Variants in MOSPD2 observed in about 807,000 individuals in gnomAD.
MOSPD2 encodes the protein motile sperm domain-containing protein 2.
Under a neutral mutation model 41.7 loss-of-function variants are expected in MOSPD2, and 5 were observed. The observed-to-expected ratio is 0.12, with a 90% confidence interval of 0.06 to 0.25. The LOEUF is 0.25. Ranked by LOEUF, MOSPD2 falls within the 10% of genes least tolerant of loss-of-function variation. MOSPD2 has a pLI of 1.00. For synonymous variants in MOSPD2, 115 were observed against 126.9 expected, an observed-to-expected ratio of 0.91 and a Z score of 0.63; for missense variants, 282 against 375.2, an observed-to-expected ratio of 0.75 and a Z score of 2.05.
Position 14,920,429 on chromosome X carries a change from C to A in MOSPD2, c.*620C>A. ...TTTCTCAGTGTTCCTTAACAGCCTG[C>A]CTTTTATTAATCTCAGGCTTTTTTA... On this transcript the variant is annotated 3_prime_UTR_variant, in exon 15 of 15. Coordinates refer to ENST00000380492, the MANE Select transcript of MOSPD2 (RefSeq NM_152581.4). The A allele has an allele frequency of 1.3e-6, 1 of 754,367 alleles. No homozygotes were observed. 62.2% of individuals were successfully genotyped at this position (754,367 alleles called of 1,213,427 possible).
intron 4 of MOSPD2, among the ~76,000 whole-genome samples, chrX:14,896,320 C>G (rs922532909): frequency 1.8e-5 from 2 of 111,307 alleles, no homozygotes; most frequent in African/African-American, 6.6e-5. Flanking sequence ...TGCCTGTCCA[C>G]TTGCTCACTT....
At chrX:14,918,329 ATGG>A (rs1038910989) in intron 13 of MOSPD2, among the ~76,000 whole-genome samples, 9 of 111,759 alleles carry the variant, frequency 8.1e-5, no homozygotes, top group African/African-American at 2.9e-4. Flanking sequence ...GGGAGGCTTG[ATGG>A]TGGGGTACTG....
Position 14,921,020 on chromosome X carries a change from C to T in MOSPD2, c.*1211C>T. On this transcript the variant is annotated 3_prime_UTR_variant, in exon 15 of 15. Transcript: ENST00000380492. ...ATTCTGCCTTTGATATGGTAGTACCCACCCGGTATTCCTAAAATCCTAAAA... is the reference window on the plus strand; with the variant it reads ...ATTCTGCCTTTGATATGGTAGTACCTACCCGGTATTCCTAAAATCCTAAAA... 1.3e-6 allele frequency: 1 copy of T among 761,950 alleles called. No homozygotes were observed. Among genetic ancestry groups the T allele is most frequent in the Non-Finnish European group, 1.6e-6 (1 of 644,457 alleles). 62.8% of individuals were successfully genotyped at this position (761,950 alleles called of 1,213,427 possible).
At chrX:14,891,643 C>T (rs1294405174) in intron 2 of MOSPD2, among the ~76,000 whole-genome samples, 2 of 108,256 alleles carry the variant, frequency 1.8e-5, no homozygotes, top group Admixed American at 2.0e-4. Flanking sequence ...TCTCAGCTCA[C>T]TGCAACCTCC....
intron 2 of MOSPD2, among the ~76,000 whole-genome samples, chrX:14,882,949 C>A (rs2092534389): frequency 9.0e-6 from 1 of 111,314 alleles, no homozygotes; most frequent in African/African-American, 3.3e-5. Context: ...GGAATCCCAG[C>A]ACTTTGGGAG....
At chrX:14,903,841 C>A (rs1375663983) in intron 7 of MOSPD2, among the ~76,000 whole-genome samples, 1 of 111,156 alleles carries the variant, frequency 9.0e-6, no homozygotes, top group Non-Finnish European at 1.9e-5. Flanking sequence ...TTACTATTGA[C>A]CTTAAAGAAA....
intron 2 of MOSPD2, among the ~76,000 whole-genome samples, chrX:14,888,595 G>C (rs985992064): frequency 9.0e-6 from 1 of 111,184 alleles, no homozygotes; most frequent in Admixed American, 9.6e-5. Flanking sequence ...TCCAGTCTCA[G>C]GTATGTCTTT....
At chrX:14,879,861 G>T in intron 2 of MOSPD2, among the ~76,000 whole-genome samples, 1 of 110,896 alleles carries the variant, frequency 9.0e-6, no homozygotes, top group Admixed American at 9.5e-5. Flanking sequence ...TGATGGGCAT[G>T]TTGGGAGATC....
At chrX:14,915,605 C>T in intron 11 of MOSPD2, 63 bp from the exon 12 acceptor site, 1 of 773,179 alleles carries the variant, frequency 1.3e-6, no homozygotes. Context: ...TAAAGTCATT[C>T]TTAAGCCATT....
At chrX:14,894,464 C>T (rs965412990) in intron 3 of MOSPD2, among the ~76,000 whole-genome samples, 1 of 109,326 alleles carries the variant, frequency 9.1e-6, no homozygotes, top group Non-Finnish European at 1.9e-5. Flanking sequence ...CTACAGGCGC[C>T]CACCACCAAG....
chrX:14,906,667 C>T (rs1391012562), intron 7 of MOSPD2, among the ~76,000 whole-genome samples: 1 of 112,045 alleles, frequency 8.9e-6, no homozygotes, highest in Non-Finnish European at 1.9e-5. Context: ...AAATCATTTA[C>T]AAACCATACA....
At position 14,911,267 on chromosome X, in the gene MOSPD2, G is replaced by T. The variant is rs370959017; in HGVS notation, c.733G>T (p.Val245Leu). 8.3e-6 allele frequency: 10 copies of T among 1,202,784 alleles called. No homozygotes were observed. Among genetic ancestry groups the T allele is most frequent in the Non-Finnish European group, 1.1e-5 (10 of 892,135 alleles). The change falls in exon 9 of 15, where the codon GTA (valine) becomes TTA (leucine). Residue 245 changes from valine to leucine, a missense_variant. By Grantham distance (32) the Val-to-Leu change is conservative. Transcript: ENST00000380492. ...TTTCAAGTATAGCTATCCACCACTAGTAGATGATGACTTCCAGACCCCACT... is the reference window on the plus strand; with the variant it reads ...TTTCAAGTATAGCTATCCACCACTATTAGATGATGACTTCCAGACCCCACT... ...DPFKYSYPPLVDDDFQTPLCE... is the reference protein window; with the variant it reads ...DPFKYSYPPLLDDDFQTPLCE...
At chrX:14,902,703 T>G (rs2092575156) in intron 6 of MOSPD2, among the ~76,000 whole-genome samples, 1 of 112,148 alleles carries the variant, frequency 8.9e-6, no homozygotes, top group Admixed American at 9.5e-5. Flanking sequence ...AATAGGCTGT[T>G]TACCAGAGGA....
At chrX:14,896,705 A>T (rs970167275) in intron 4 of MOSPD2, among the ~76,000 whole-genome samples, 2 of 112,611 alleles carry the variant, frequency 1.8e-5, no homozygotes, top group Admixed American at 1.9e-4. Context: ...TCATGCCTCC[A>T]TCGCCCTGTG....
intron 2 of MOSPD2, among the ~76,000 whole-genome samples, chrX:14,892,321 A>G (rs1413576355): frequency 6.2e-5 from 7 of 112,116 alleles, no homozygotes; most frequent in African/African-American, 3.2e-5. Flanking sequence ...CAGGCATCAC[A>G]TGGTGAGAGA....
rs140953263 is a variant in MOSPD2 at position 14,917,471 on chromosome X, T to G, written c.1316+1145T>G. ...ACTTCTGAGCGAGAGGAAAAACTAT[T>G]AGTTGGCACTAAGCAGAGCCATGAG... On this transcript the variant is annotated intron_variant, in intron 13 of 14. Transcript: ENST00000380492. 9.0e-3 allele frequency among the ~76,000 whole-genome samples: 1,004 copies of G among 111,575 alleles called. 17 individuals carry two copies. The highest frequency in any genetic ancestry group is 0.031 in the African/African-American group (949 of 30,670).
chrX:14,878,034 A>T (rs1302075964), intron 2 of MOSPD2, among the ~76,000 whole-genome samples: 1 of 111,196 alleles, frequency 9.0e-6, no homozygotes, highest in Non-Finnish European at 1.9e-5. Context: ...ATTTTTATTG[A>T]CATGATTTTA....
intron 2 of MOSPD2, among the ~76,000 whole-genome samples, chrX:14,884,973 TA>T (rs746511414): frequency 1.4e-3 from 154 of 111,411 alleles, no homozygotes; most frequent in African/African-American, 4.1e-3. Flanking sequence ...TCAAGAAATC[TA>T]CAAACATGTT....
rs1318305263 is a variant in MOSPD2, at chrX:14,892,786, A to G, written c.143A>G (p.Glu48Gly). 1 of 1,198,351 alleles carries G rather than the reference A, an allele frequency of 8.3e-7. No homozygotes were observed. Among genetic ancestry groups the G allele is most frequent in the Admixed American group, 2.2e-5 (1 of 45,695 alleles). ...CTACAACAAGATGATAACTGGGTTG[A>G]AAGTTACTTATCTTGGAGACATAAT... is the stretch of plus-strand genomic sequence containing the variant. ...ERLQQDDNWV[E>G]SYLSWRHNIV... The change falls in exon 3 of 15, where the codon GAA (glutamate) becomes GGA (glycine). Residue 48 changes from glutamate to glycine, a missense_variant. Around this residue, in one of 3 missense-constraint regions of MOSPD2, gnomAD observed 187 missense variants for 256.6 expected, o/e 0.73. Transcript: ENST00000380492.
Sources: gnomAD v4.1 joint callset for allele counts (sites outside exome capture counted in the v4.1 genomes callset) on GRCh38, gnomAD v4.1.1 for gene constraint, gnomAD v4.1.1 regional missense constraint, MANE v1.5 for transcripts, NCBI Gene and HGNC (gene_info 2026-07-23, HGNC 2026-07-21) for gene names.